C16orf96: variants seen among roughly 807,000 people sequenced by gnomAD.
C16orf96 encodes the protein uncharacterized protein C16orf96.
In C16orf96, 108 loss-of-function variants were observed where a neutral mutation model predicts 103.6. That is an observed-to-expected ratio of 1.04 (90% CI 0.89 to 1.22). The LOEUF (loss-of-function observed/expected upper bound fraction) is 1.22. Ranked by LOEUF, C16orf96 falls within the 50% of genes most tolerant of loss-of-function variation. C16orf96 has a pLI of 0.00. For synonymous variants in C16orf96, 566 were observed against 593.5 expected, an observed-to-expected ratio of 0.95 and a Z score of 0.67; for missense variants, 1,586 against 1,464.2, an observed-to-expected ratio of 1.08 and a Z score of -1.36.
the C16orf96 span, among the ~76,000 whole-genome samples, chr16:4,543,918 A>G: frequency 6.6e-6 from 1 of 152,190 alleles, no homozygotes; most frequent in Admixed American, 6.6e-5. Flanking sequence ...CTGGGATTAC[A>G]GGTGTGAGCC....
Position 4,593,508 on chromosome 16 carries a change from C to T in C16orf96, c.2867+192C>T, listed in dbSNP as rs533630366. Among the ~76,000 whole-genome samples, 1 of 151,130 alleles carries T rather than the reference C, an allele frequency of 6.6e-6. No homozygotes were observed. The highest frequency in any genetic ancestry group is 1.5e-5 in the Non-Finnish European group (1 of 67,760). ...GGCAGACAGGCCCACGAGATGATGG[C>T]GGAGGGAGGAACTGACATATTTACT... On this transcript the variant is annotated intron_variant, in intron 12 of 15. Coordinates refer to ENST00000444310, the MANE Select transcript of C16orf96 (RefSeq NM_001145011.2). This position sits in a 1 kb window ranked among gnomAD's most constrained non-coding sequence, Gnocchi z 4.2.
At position 4,599,310 on chromosome 16, in the gene C16orf96, C is replaced by G; in HGVS notation, c.3154C>G (p.Gln1052Glu). The change falls in exon 15 of 16, where the codon CAA (glutamine) becomes GAA (glutamate). Residue 1052 changes from glutamine (Q) to glutamate (E), a missense_variant. Physicochemically the swap from Gln to Glu is conservative, Grantham distance 29. Coordinates refer to ENST00000444310, the MANE Select transcript of C16orf96 (RefSeq NM_001145011.2). ...AAVKAPSPPS[Q>E]SLYDRVHSSA... ...TGTGAAGGCTCCATCTCCCCCGTCA[C>G]AAAGCCTGTATGACCGTGTGCACTC... is the stretch of plus-strand genomic sequence containing the variant. The G allele has an allele frequency of 1.9e-6, 3 of 1,551,652 alleles. No homozygotes were observed. The highest frequency in any genetic ancestry group is 2.7e-5 in the African/African-American group (2 of 73,154).
At position 4,593,431 on chromosome 16, in the gene C16orf96, C is replaced by A; in HGVS notation, c.2867+115C>A. 9.6e-7 allele frequency: 1 copy of A among 1,042,886 alleles called. No individual in the cohort carries two copies. The highest frequency in any genetic ancestry group is 1.4e-6 in the Non-Finnish European group (1 of 710,662). The allele number at this position is 1,042,886 out of a possible 1,614,324, so 64.6% of individuals were successfully genotyped here. The stretch of plus-strand genomic sequence containing the variant: ...CCAGGCCCAGGGACCTAAGATTGTC[C>A]TGGACATGGCCAGCCCTTCGCAAGA... On this transcript the variant is annotated intron_variant, in intron 12 of 15. Coordinates refer to ENST00000444310, the MANE Select transcript of C16orf96 (RefSeq NM_001145011.2). The surrounding 1 kb of genome is among the most constrained non-coding windows in gnomAD (Gnocchi z 4.2).
chr16:4,591,747 T>C lies in C16orf96; in HGVS notation c.2674T>C (p.Leu892=), dbSNP rs1041632836. The change falls in exon 10 of 16, where the codon TTA becomes CTA. Residue 892 remains leucine (L), a synonymous_variant. Transcript: ENST00000444310. The part of the protein sequence containing the change: ...KIVRKLLIEG[L]RLDPDSAAGF... ...CGTCCGGAAGCTGCTGATTGAGGGC[T>C]TAAGACTGGATCCTGACAGTGCTGC... The C allele has an allele frequency of 6.4e-7, 1 of 1,551,702 alleles. No homozygotes were observed. Among genetic ancestry groups the C allele is most frequent in the Non-Finnish European group, 8.7e-7 (1 of 1,146,984 alleles).
At chr16:4,554,788 C>T (rs921695140), upstream of C16orf96, among the ~76,000 whole-genome samples, 8 of 151,868 alleles carry the variant, frequency 5.3e-5, no homozygotes, top group African/African-American at 1.9e-4. Context: ...GAGTAGCTGA[C>T]TACAGGCACG....
chr16:4,545,830 G>C, the C16orf96 span, among the ~76,000 whole-genome samples: 4 of 152,018 alleles, frequency 2.6e-5, no homozygotes, highest in South Asian at 6.2e-4. Context: ...TTACTGTCCA[G>C]CTCTGGTTTT....
intron 2 of C16orf96, among the ~76,000 whole-genome samples, chr16:4,572,832 C>A (rs2059454804): frequency 2.0e-5 from 3 of 152,196 alleles, no homozygotes; most frequent in Admixed American, 1.3e-4. Flanking sequence ...CAAGTATTTT[C>A]TAACACCCTA....
the C16orf96 span, among the ~76,000 whole-genome samples, chr16:4,546,106 C>T: frequency 6.6e-6 from 1 of 151,868 alleles, no homozygotes; most frequent in Admixed American, 6.6e-5. Context: ...CCCTGGCCTC[C>T]CAAAGTACGG....
chr16:4,589,651 G>T (rs1050281824), intron 9 of C16orf96, among the ~76,000 whole-genome samples: 3 of 151,856 alleles, frequency 2.0e-5, no homozygotes, highest in African/African-American at 7.3e-5. Context: ...CACATGAAGA[G>T]ATTTTACTTG....
chr16:4,551,983 C>T (rs1213688325), upstream of C16orf96, among the ~76,000 whole-genome samples: 2 of 151,974 alleles, frequency 1.3e-5, no homozygotes, highest in African/African-American at 4.8e-5. Context: ...TCATTGTTCA[C>T]CTCCCACTTA....
In C16orf96 at chr16:4,576,653, C is replaced by G; in HGVS notation, c.2155+18C>G. ...TTATCTAGGTAGGCCTGGTCTGGCC[C>G]TGGGAAGGGCACAAGGGAGTGGGGC... is the stretch of plus-strand genomic sequence containing the variant. On this transcript the variant is annotated intron_variant, in intron 5 of 15. Transcript: ENST00000444310. The G allele has an allele frequency of 6.5e-7, 1 of 1,539,406 alleles. No homozygotes were observed. Among genetic ancestry groups the G allele is most frequent in the Non-Finnish European group, 8.8e-7 (1 of 1,140,556 alleles).
rs750919764 is a variant in C16orf96, at chr16:4,576,068, A to G, written c.1588A>G (p.Lys530Glu). Residue 530 changes from lysine (K) to glutamate (E), a missense_variant, in exon 5 of 16, where the codon AAA becomes GAA. Lys to Glu is a moderately conservative substitution (Grantham distance 56). Transcript: ENST00000444310. ...KDRAHKDDVP[K>E]DRGGKDGDPK... ...TAGAGCTCACAAGGATGATGTCCCC[A>G]AAGATAGAGGTGGCAAAGATGGGGA... is the stretch of plus-strand genomic sequence containing the variant. 1.4e-5 allele frequency: 22 copies of G among 1,551,060 alleles called. No homozygotes were observed. The highest frequency in any genetic ancestry group is 2.7e-5 in the African/African-American group (2 of 72,906).
rs146379206 is a variant in C16orf96 at position 4,594,526 on chromosome 16, G to A, written c.3027+16G>A. On this transcript the variant is annotated intron_variant, in intron 13 of 15. Transcript: ENST00000444310. ...CTATGACAGCGTGAGTCTGGCCGGG[G>A]CCTCCTTCTCAGAGGGTGGACGTCA... 14 of 1,548,800 alleles carry A rather than the reference G, an allele frequency of 9.0e-6. No individual in the cohort carries two copies. In the African/African-American group the frequency reaches 9.6e-5, roughly 11 times the overall value.
chr16:4,545,987 C>T, the C16orf96 span, among the ~76,000 whole-genome samples: 1 of 151,744 alleles, frequency 6.6e-6, no homozygotes, highest in Non-Finnish European at 1.5e-5. Context: ...GTAGCTGGGA[C>T]TACAGGTGCA....
rs1451373724 is a variant in C16orf96 at position 4,575,047 on chromosome 16, A to T, written c.682A>T (p.Met228Leu). 1.9e-6 allele frequency: 3 copies of T among 1,551,474 alleles called. No homozygotes were observed. The African/African-American group carries it at 4.1e-5, about 21-fold the overall frequency. The change falls in exon 4 of 16, where the codon ATG becomes TTG. Residue 228 changes from methionine to leucine, a missense_variant. By Grantham distance (15) the Met-to-Leu change is conservative. Coordinates refer to ENST00000444310, the MANE Select transcript of C16orf96 (RefSeq NM_001145011.2). ...MVLWSGLHDAMFTSEIGSSPL... is the reference protein window; with the variant it reads ...MVLWSGLHDALFTSEIGSSPL... ...GCTCTGGAGTGGCCTTCATGATGCCATGTTCACCTCAGTGAGTGAGGAAGG... is the reference window on the plus strand; with the variant it reads ...GCTCTGGAGTGGCCTTCATGATGCCTTGTTCACCTCAGTGAGTGAGGAAGG...
chr16:4,593,433 G>T lies in C16orf96; in HGVS notation c.2867+117G>T. ...AGGCCCAGGGACCTAAGATTGTCCT[G>T]GACATGGCCAGCCCTTCGCAAGACA... On this transcript the variant is annotated intron_variant, in intron 12 of 15. Coordinates refer to ENST00000444310, the MANE Select transcript of C16orf96 (RefSeq NM_001145011.2). This position sits in a 1 kb window ranked among gnomAD's most constrained non-coding sequence, Gnocchi z 4.2. 9.6e-7 allele frequency: 1 copy of T among 1,037,038 alleles called. No homozygotes were observed. The highest frequency in any genetic ancestry group is 1.4e-5 in the South Asian group (1 of 69,422). The allele number at this position is 1,037,038 out of a possible 1,614,324, so 64.2% of individuals were successfully genotyped here.
chr16:4,560,893 C>T (rs1050209667), intron 1 of C16orf96: 3 of 152,156 alleles, frequency 2.0e-5, no homozygotes, highest in Non-Finnish European at 4.4e-5. Flanking sequence ...GTGGCTCACC[C>T]CTATAATCCC....
chr16:4,555,941 C>T (rs2059258828), upstream of C16orf96, among the ~76,000 whole-genome samples: 1 of 152,048 alleles, frequency 6.6e-6, no homozygotes, highest in South Asian at 2.1e-4. Flanking sequence ...TCAAGCAGTC[C>T]TCCCGCCTTT....
At position 4,556,935 on chromosome 16, in the gene C16orf96, C is replaced by G. The variant is rs3892947; in HGVS notation, c.420+26C>G. The G allele has an allele frequency of 4.4e-4, 665 of 1,512,844 alleles. 2 individuals carry two copies. Among genetic ancestry groups the G allele is most frequent in the Middle Eastern group, 3.6e-3 (21 of 5,778 alleles). The allele number at this position is 1,512,844 out of a possible 1,614,324, so 93.7% of individuals were successfully genotyped here. A position where few individuals can be genotyped will look rare whatever the true frequency, so the allele number is the denominator to read the frequency against. On this transcript the variant is annotated intron_variant, in intron 1 of 15. Coordinates refer to ENST00000444310, the MANE Select transcript of C16orf96 (RefSeq NM_001145011.2). The stretch of plus-strand genomic sequence containing the variant: ...GTACGCCCCCAGCCTCCAGACACTT[C>G]TTTTCCTCCCTTCACCACTGGCTCT...
Sources: gnomAD v4.1 joint callset for allele counts (sites outside exome capture counted in the v4.1 genomes callset) on GRCh38, gnomAD v4.1.1 for gene constraint, Gnocchi (gnomAD v3.1) non-coding constraint, MANE v1.5 for transcripts, NCBI Gene and HGNC (gene_info 2026-07-23, HGNC 2026-07-21) for gene names.